The following AZU1 variants were observed in gnomAD, a reference collection of about 807,000 sequenced individuals.
AZU1 encodes azurocidin 1.
In AZU1, 21 loss-of-function variants were observed where a neutral mutation model predicts 17.8. The observed-to-expected ratio is 1.18, with a 90% confidence interval of 0.84 to 1.70. AZU1 has a LOEUF of 1.70. Among genes scored for constraint, AZU1 ranks in the 40% most tolerant of loss-of-function variants. The pLI, the probability that AZU1 is intolerant of heterozygous loss-of-function variation, is 0.00. For synonymous variants in AZU1, 178 were observed against 155.2 expected (o/e 1.15, Z -1.09); for missense variants, 379 against 362.9 (o/e 1.04, Z -0.36).
chr19:829,579 C>A lies in AZU1; in HGVS notation c.233C>A (p.Thr78Asn). Residue 78 changes from threonine (T) to asparagine (N), a missense_variant, in exon 3 of 5, where the codon ACC becomes AAC. Physicochemically the swap from Thr to Asn is moderately conservative, Grantham distance 65. Transcript: ENST00000233997. ...ACTCTCAGGAACCCCGGGGTTAGCA[C>A]CGTGGTGCTGGGTGCCTATGACCTG... is the stretch of plus-strand genomic sequence containing the variant. ...CFQSQNPGVS[T>N]VVLGAYDLRR... 6.2e-7 allele frequency: 1 copy of A among 1,613,182 alleles called. No homozygotes were observed. The highest frequency in any genetic ancestry group is 8.5e-7 in the Non-Finnish European group (1 of 1,179,952).
intron 1 of AZU1, 60 bp from the exon 2 acceptor site, chr19:828,170 C>A: frequency 6.6e-7 from 1 of 1,516,612 alleles, no homozygotes. Context: ...CAGCTTCACA[C>A]GCCCTCCCGG....
chr19:827,928 G>A, intron 1 of AZU1, 24 bp downstream of exon 1: 1 of 1,536,532 alleles, frequency 6.5e-7, no homozygotes, highest in South Asian at 1.2e-5. Flanking sequence ...TGTGCCGGTG[G>A]TCCCCCATCT....
At chr19:831,100 C>G (rs1321152290) in intron 4 of AZU1, 159 bp downstream of exon 4, 1 of 660,808 alleles carries the variant, frequency 1.5e-6, no homozygotes, top group Non-Finnish European at 2.5e-6. Flanking sequence ...TTTTTTGAGA[C>G]AGAGTCTCGC....
intron 1 of AZU1, 33 bp from the exon 2 acceptor site, chr19:828,197 T>C (rs1555704663): frequency 1.3e-6 from 2 of 1,564,732 alleles, no homozygotes; most frequent in South Asian, 1.2e-5. Flanking sequence ...TGTGGATTCT[T>C]GGGGATCTCA....
intron 4 of AZU1, 113 bp from the exon 5 acceptor site, chr19:831,603 C>A: frequency 1.6e-6 from 2 of 1,234,326 alleles, no homozygotes; most frequent in South Asian, 1.6e-5. Context: ...TGCAAAGGCC[C>A]TGGGGCTGGA....
In AZU1 at chr19:831,919, C is replaced by T. The variant is rs539805140; in HGVS notation, c.*42C>T. On this transcript the variant is annotated 3_prime_UTR_variant, in exon 5 of 5. Coordinates refer to ENST00000233997, the MANE Select transcript of AZU1 (RefSeq NM_001700.5). ...CCATGGAGCCCAGCCCCGCCCTCCA[C>T]ACCTCCGGCGCTCCGCACCCACCTC... 8.2e-6 allele frequency: 13 copies of T among 1,582,974 alleles called. No homozygotes were observed. Among genetic ancestry groups the T allele is most frequent in the South Asian group, 3.4e-5 (3 of 88,178 alleles).
rs1483898511 is a variant in AZU1 at position 830,873 on chromosome 19, C to T, written c.526C>T (p.Pro176Ser). ...FPRFVNVTVT[P>S]EDQCRPNNVC... Reference sequence around the variant, plus strand: ...CAGGTTTGTCAACGTGACTGTGACCCCCGAGGACCAGTGTCGCCCCAACAA... The same window carrying T: ...CAGGTTTGTCAACGTGACTGTGACCTCCGAGGACCAGTGTCGCCCCAACAA... The change falls in exon 4 of 5, where the codon CCC becomes TCC. Residue 176 changes from proline to serine, a missense_variant. Coordinates refer to ENST00000233997, the MANE Select transcript of AZU1 (RefSeq NM_001700.5). 2 of 1,607,084 alleles carry T rather than the reference C, an allele frequency of 1.2e-6. No individual in the cohort carries two copies. Among genetic ancestry groups the T allele is most frequent in the Non-Finnish European group, 1.7e-6 (2 of 1,179,976 alleles).
intron 2 of AZU1, among the ~76,000 whole-genome samples, chr19:828,796 G>A (rs555080330): frequency 1.4e-5 from 2 of 139,896 alleles, no homozygotes; most frequent in African/African-American, 2.7e-5. Flanking sequence ...GATGGGGGAG[G>A]CCCAGAGAAG....
Position 831,731 on chromosome 19 carries a change from C to A in AZU1, c.610C>A (p.Pro204Thr). The A allele has an allele frequency of 6.2e-7, 1 of 1,608,074 alleles. No individual in the cohort carries two copies. The highest frequency in any genetic ancestry group is 8.5e-7 in the Non-Finnish European group (1 of 1,177,704). ...GGICNGDGGT[P>T]LVCEGLAHGV... ...GCCTGCCCAGGGGGACGGGGGCACC[C>A]CCCTCGTCTGCGAGGGCCTGGCCCA... Residue 204 changes from proline to threonine, a missense_variant, in exon 5 of 5, where the codon CCC (proline) becomes ACC (threonine). Coordinates refer to ENST00000233997, the MANE Select transcript of AZU1 (RefSeq NM_001700.5).
chr19:829,632 A>G lies in AZU1; in HGVS notation c.286A>G (p.Thr96Ala). The G allele has an allele frequency of 2.5e-6, 4 of 1,613,380 alleles. No homozygotes were observed. Among genetic ancestry groups the G allele is most frequent in the Non-Finnish European group, 3.4e-6 (4 of 1,179,942 alleles). The change falls in exon 3 of 5, where the codon ACG becomes GCG. Residue 96 changes from threonine to alanine, a missense_variant. Thr to Ala is a moderately conservative substitution (Grantham distance 58). Coordinates refer to ENST00000233997, the MANE Select transcript of AZU1 (RefSeq NM_001700.5). ...GCGGCGGGAGAGGCAGTCCCGCCAG[A>G]CGTTTTCCATCAGCAGCATGAGCGA... ...LRRRERQSRQ[T>A]FSISSMSENG...
At position 830,626 on chromosome 19, in the gene AZU1, C is replaced by T. The variant is rs2035275264; in HGVS notation, c.361-82C>T. On this transcript the variant is annotated intron_variant, in intron 3 of 4. Transcript: ENST00000233997. ...ACCACTTACAGACTACAGTTAATGT[C>T]GCTGACACTTCTGCTCCCAGGGGTC... is the stretch of plus-strand genomic sequence containing the variant. The T allele has an allele frequency of 1.5e-5, 18 of 1,204,256 alleles. No individual in the cohort carries two copies. The East Asian group carries it at 3.7e-4, about 25-fold the overall frequency. 74.6% of individuals were successfully genotyped at this position (1,204,256 alleles called of 1,614,324 possible).
chr19:829,593 G>T lies in AZU1; in HGVS notation c.247G>T (p.Ala83Ser), dbSNP rs1184083590. ...CGGGGTTAGCACCGTGGTGCTGGGT[G>T]CCTATGACCTGAGGCGGCGGGAGAG... Reference protein sequence around the residue: ...NPGVSTVVLGAYDLRRRERQS... With the variant: ...NPGVSTVVLGSYDLRRRERQS... The change falls in exon 3 of 5, where the codon GCC (alanine) becomes TCC (serine). Residue 83 changes from alanine (A) to serine (S), a missense_variant. Physicochemically the swap from Ala to Ser is moderately conservative, Grantham distance 99 (BLOSUM62 1). Coordinates refer to ENST00000233997, the MANE Select transcript of AZU1 (RefSeq NM_001700.5). 3 of 1,613,182 alleles carry T rather than the reference G, an allele frequency of 1.9e-6. No homozygotes were observed. Among genetic ancestry groups the T allele is most frequent in the Non-Finnish European group, 2.5e-6 (3 of 1,179,974 alleles).
Position 828,239 on chromosome 19 carries a change from C to G in AZU1, c.68C>G (p.Pro23Arg), listed in dbSNP as rs1200456234. The change falls in exon 2 of 5, where the codon CCC (proline) becomes CGC (arginine). Residue 23 changes from proline (P) to arginine (R), a missense_variant. Coordinates refer to ENST00000233997, the MANE Select transcript of AZU1 (RefSeq NM_001700.5). The part of the protein sequence containing the change: ...LLASSRAGSS[P>R]LLDIVGGRKA... ...TCTCCCCCCGACCCAGGCTCCAGCC[C>G]CCTTTTGGACATCGTTGGCGGCCGG... The G allele has an allele frequency of 6.2e-7, 1 of 1,605,532 alleles. No individual in the cohort carries two copies. The highest frequency in any genetic ancestry group is 8.5e-7 in the Non-Finnish European group (1 of 1,177,644).
chr19:829,843 C>A, intron 3 of AZU1, 137 bp downstream of exon 3: 1 of 1,276,230 alleles, frequency 7.8e-7, no homozygotes, highest in South Asian at 1.5e-5. Flanking sequence ...GGCCCCTGTG[C>A]TTCAGGAGGC....
At chr19:829,539 G>A in intron 2 of AZU1, 23 bp from the exon 3 acceptor site, 1 of 1,610,040 alleles carries the variant, frequency 6.2e-7, no homozygotes. Flanking sequence ...TCCTCCCTCT[G>A]CCCTTTCCTC....
chr19:829,780 T>C, intron 3 of AZU1, 74 bp downstream of exon 3: 1 of 1,554,824 alleles, frequency 6.4e-7, no homozygotes, highest in Non-Finnish European at 8.7e-7. Flanking sequence ...AGTCCAAACT[T>C]GGTCTCTACA....
chr19:829,936 A>ATATGTGTG (rs368933425), intron 3 of AZU1, among the ~76,000 whole-genome samples: 278 of 137,862 alleles, frequency 2.0e-3, no homozygotes, highest in African/African-American at 7.5e-3. Context: ...AAAAATATAT[A>ATATGTGTG]TGTGTGTGTG....
Position 831,757 on chromosome 19 carries a change from C to G in AZU1, c.636C>G (p.His212Gln). The G allele has an allele frequency of 8.7e-6, 14 of 1,612,144 alleles. No individual in the cohort carries two copies. The highest frequency in any genetic ancestry group is 1.2e-5 in the Non-Finnish European group (14 of 1,179,582). Reference protein sequence around the residue: ...GTPLVCEGLAHGVASFSLGPC... With the variant: ...GTPLVCEGLAQGVASFSLGPC... ...CCCTCGTCTGCGAGGGCCTGGCCCA[C>G]GGCGTGGCCTCCTTTTCCCTGGGGC... Residue 212 changes from histidine (H) to glutamine (Q), a missense_variant, in exon 5 of 5, where the codon CAC becomes CAG. By Grantham distance (24) the His-to-Gln change is conservative (BLOSUM62 0). Transcript: ENST00000233997.
chr19:831,356 G>A (rs2035285533), intron 4 of AZU1: 2 of 335,278 alleles, frequency 6.0e-6, no homozygotes, highest in African/African-American at 2.1e-5. Flanking sequence ...AGGATAACAG[G>A]CATGAGCCAC....
Sources: gnomAD v4.1 joint callset for allele counts (sites outside exome capture counted in the v4.1 genomes callset) on GRCh38, gnomAD v4.1.1 for gene constraint, MANE v1.5 for transcripts, NCBI Gene and HGNC (gene_info 2026-07-23, HGNC 2026-07-21) for gene names.